SNTG1: variants seen among roughly 807,000 people sequenced by gnomAD.
SNTG1 encodes the protein gamma-1-syntrophin.
A neutral mutation model predicts 74.7 loss-of-function variants in SNTG1; 39 were observed. The ratio of observed to expected loss-of-function variants is 0.52; its 90% confidence interval spans 0.40 to 0.68. The LOEUF (loss-of-function observed/expected upper bound fraction) is 0.68. Among genes scored for constraint, SNTG1 ranks in the 30% least tolerant of loss-of-function variants. SNTG1 has a pLI of 0.00. For missense variants in SNTG1, 685 were observed against 609.5 expected, an observed-to-expected ratio of 1.12 and a Z score of -1.30; for synonymous variants, 254 against 217.1, an observed-to-expected ratio of 1.17 and a Z score of -1.49.
At chr8:50,456,864 A>T (rs777151000) in intron 8 of SNTG1, among the ~76,000 whole-genome samples, 6 of 152,110 alleles carry the variant, frequency 3.9e-5, no homozygotes, top group Non-Finnish European at 8.8e-5. Flanking sequence ...GGGAGGAGAA[A>T]GCTGGCAGGG....
chr8:50,380,841 G>A lies in SNTG1; in HGVS notation c.-27-13371G>A, dbSNP rs148112240. Among the ~76,000 whole-genome samples, 470 of 152,280 alleles carry A rather than the reference G, an allele frequency of 3.1e-3. 2 individuals are homozygous for A. The highest frequency in any genetic ancestry group is 5.8e-3 in the Admixed American group (88 of 15,296). On this transcript the variant is annotated intron_variant, in intron 2 of 18. Transcript: ENST00000642720. ...TAATAATTCTTTTTAATTTCTGAGT[G>A]TTAGATTTAATCATAATAGGCAAGA...
intron 2 of SNTG1, among the ~76,000 whole-genome samples, chr8:50,283,953 T>G (rs750332897): frequency 6.6e-6 from 1 of 152,140 alleles, no homozygotes; most frequent in Non-Finnish European, 1.5e-5. Context: ...CTTGTTAAAA[T>G]TACTATAAAT....
At chr8:50,644,986 G>T (rs2095098656) in intron 13 of SNTG1, among the ~76,000 whole-genome samples, 1 of 150,754 alleles carries the variant, frequency 6.6e-6, no homozygotes, top group Non-Finnish European at 1.5e-5. Context: ...AAACGCGTAG[G>T]CTCAAGCGAT....
intron 1 of SNTG1, among the ~76,000 whole-genome samples, chr8:50,092,744 CA>C (rs2131171028): frequency 6.6e-6 from 1 of 152,214 alleles, no homozygotes; most frequent in South Asian, 2.1e-4. Flanking sequence ...ATTTGCTTCT[CA>C]GGAGACTATG....
chr8:50,044,521 T>C lies in SNTG1; in HGVS notation c.-102-128040T>C, dbSNP rs559928736. On this transcript the variant is annotated intron_variant, in intron 1 of 18. Transcript: ENST00000642720. Reference sequence around the variant, plus strand: ...CATTTGATCATTCTCTACTGGGGCATATGAGGGTCACCATTACTTTGAACA... The same window carrying C: ...CATTTGATCATTCTCTACTGGGGCACATGAGGGTCACCATTACTTTGAACA... 2.2e-4 allele frequency among the ~76,000 whole-genome samples: 33 copies of C among 152,324 alleles called. No individual in the cohort carries two copies. The South Asian group carries it at 6.8e-3, about 32-fold the overall frequency.
rs181072494 is a variant in SNTG1, at chr8:50,313,071, G to A, written c.-27-81141G>A. Among the ~76,000 whole-genome samples, 59 of 149,884 alleles carry A rather than the reference G, an allele frequency of 3.9e-4. 6 individuals are homozygous for A. The South Asian group carries it at 6.1e-3, about 15-fold the overall frequency. ...ATAGAGCACACATGGGGAAAGGACA[G>A]TCTCTGCAATAGATGCTGTTAGGAA... On this transcript the variant is annotated intron_variant, in intron 2 of 18. Coordinates refer to ENST00000642720, the MANE Select transcript of SNTG1 (RefSeq NM_018967.5).
At chr8:50,248,751 G>T (rs960354601) in intron 2 of SNTG1, among the ~76,000 whole-genome samples, 1 of 152,176 alleles carries the variant, frequency 6.6e-6, no homozygotes, top group African/African-American at 2.4e-5. Flanking sequence ...AGTAATTAGA[G>T]AGATAGAAAT....
chr8:50,006,153 G>A (rs117240825), intron 1 of SNTG1, among the ~76,000 whole-genome samples: 4,052 of 151,468 alleles, frequency 0.027, 123 homozygotes, highest in Middle Eastern at 0.041. Flanking sequence ...AGTAATGACG[G>A]GGTTTCATCG....
At chr8:50,047,703 C>T (rs1289338511) in intron 1 of SNTG1, among the ~76,000 whole-genome samples, 1 of 152,090 alleles carries the variant, frequency 6.6e-6, no homozygotes, top group Non-Finnish European at 1.5e-5. Flanking sequence ...TCACCTTCTG[C>T]AAAGTAAGGT....
chr8:50,310,726 G>C (rs2090078527), intron 2 of SNTG1, among the ~76,000 whole-genome samples: 1 of 152,036 alleles, frequency 6.6e-6, no homozygotes, highest in Non-Finnish European at 1.5e-5. Flanking sequence ...ATAAATAAAT[G>C]TAAGTATCCT....
At chr8:50,670,490 G>A (rs1030702507) in intron 15 of SNTG1, among the ~76,000 whole-genome samples, 7 of 151,544 alleles carry the variant, frequency 4.6e-5, no homozygotes, top group Admixed American at 3.9e-4. Context: ...TACAAGGGAT[G>A]TGAAGGACCT....
intron 11 of SNTG1, among the ~76,000 whole-genome samples, chr8:50,545,579 T>C (rs1055194524): frequency 4.1e-5 from 6 of 147,920 alleles, no homozygotes; most frequent in African/African-American, 1.3e-4. Context: ...AAGTACTCAA[T>C]AAATATTTAT....
At chr8:50,273,471 T>TCCCTTGAGG (rs2087901684) in intron 2 of SNTG1, among the ~76,000 whole-genome samples, 4 of 152,180 alleles carry the variant, frequency 2.6e-5, no homozygotes, top group Non-Finnish European at 4.4e-5. Flanking sequence ...CTTGAGCTTA[T>TCCCTTGAGG]ACTCAGGAAA....
intron 1 of SNTG1, among the ~76,000 whole-genome samples, chr8:50,089,934 G>T (rs1253278927): frequency 1.3e-5 from 2 of 152,130 alleles, no homozygotes; most frequent in Non-Finnish European, 2.9e-5. Flanking sequence ...TATAAATCAT[G>T]CTGCTATAAA....
chr8:50,417,755 G>A (rs563813879), intron 4 of SNTG1, among the ~76,000 whole-genome samples: 6 of 152,158 alleles, frequency 3.9e-5, no homozygotes, highest in African/African-American at 7.2e-5. Flanking sequence ...AAATGAAGCC[G>A]AGAAAACAAT....
intron 1 of SNTG1, among the ~76,000 whole-genome samples, chr8:50,071,130 G>T (rs1356432907): frequency 6.6e-6 from 1 of 152,154 alleles, no homozygotes; most frequent in African/African-American, 2.4e-5. Context: ...TTCAAGTGGA[G>T]ATCCCAACTC....
intron 8 of SNTG1, among the ~76,000 whole-genome samples, chr8:50,497,189 T>G (rs983800311): frequency 6.6e-6 from 1 of 152,092 alleles, no homozygotes; most frequent in South Asian, 2.1e-4. Flanking sequence ...TGAAAAAAAC[T>G]TTAAGATTGA....
At chr8:49,935,884 G>A (rs1808038221) in intron 1 of SNTG1, among the ~76,000 whole-genome samples, 3 of 152,266 alleles carry the variant, frequency 2.0e-5, no homozygotes, top group Middle Eastern at 3.4e-3. Flanking sequence ...TGGACTATGA[G>A]GTATAACTGT....
chr8:50,066,196 C>T (rs2130969692), intron 1 of SNTG1, among the ~76,000 whole-genome samples: 1 of 151,446 alleles, frequency 6.6e-6, no homozygotes, highest in Non-Finnish European at 1.5e-5. Flanking sequence ...GCCTGGGTAA[C>T]AAAAGCAAAA....
Sources: gnomAD v4.1 joint callset for allele counts (sites outside exome capture counted in the v4.1 genomes callset) on GRCh38, gnomAD v4.1.1 for gene constraint, MANE v1.5 for transcripts, NCBI Gene and HGNC (gene_info 2026-07-23, HGNC 2026-07-21) for gene names.